The following PLCB4 variants were observed in gnomAD, a reference collection of about 807,000 sequenced individuals.
PLCB4 encodes the protein 1-phosphatidylinositol 4,5-bisphosphate phosphodiesterase beta-4.
PLCB4 carries 77 observed loss-of-function variants against 178.8 expected under a neutral mutation model. The observed-to-expected ratio is 0.43, with a 90% CI of 0.36 to 0.52. PLCB4 has a LOEUF of 0.52. Ranked by LOEUF, PLCB4 falls within the 20% of genes least tolerant of loss-of-function variation. PLCB4 has a pLI of 0.00. For missense variants in PLCB4, 1,024 were observed against 1,453.4 expected (o/e 0.70, Z 4.80); for synonymous variants, 496 against 490.8 (o/e 1.01, Z -0.14).
chr20:9,303,317 A>G (rs927456343), intron 3 of PLCB4, among the ~76,000 whole-genome samples: 4 of 152,184 alleles, frequency 2.6e-5, no homozygotes, highest in African/African-American at 9.7e-5. Context: ...AAGGCTTTGT[A>G]TACTTCGATT....
At chr20:9,375,637 T>C (rs1310012476) in intron 12 of PLCB4, among the ~76,000 whole-genome samples, 2 of 152,164 alleles carry the variant, frequency 1.3e-5, no homozygotes, top group Non-Finnish European at 2.9e-5. Flanking sequence ...CTTGAAAATA[T>C]TTCAAGTTTT....
At chr20:9,282,329 G>A (rs1041495930) in intron 3 of PLCB4, among the ~76,000 whole-genome samples, 3 of 151,964 alleles carry the variant, frequency 2.0e-5, no homozygotes, top group Non-Finnish European at 2.9e-5. Context: ...TCTCTGTCAG[G>A]TTGCTCACAA....
At chr20:9,393,184 G>C (rs2038289506) in intron 17 of PLCB4, among the ~76,000 whole-genome samples, 1 of 152,072 alleles carries the variant, frequency 6.6e-6, no homozygotes. Flanking sequence ...CTGACACTTG[G>C]GGGGATCTGG....
intron 2 of PLCB4, among the ~76,000 whole-genome samples, chr20:9,098,435 T>C (rs1015726568): frequency 2.6e-5 from 4 of 151,954 alleles, no homozygotes; most frequent in Admixed American, 6.6e-5. Flanking sequence ...TATCCAACAT[T>C]AATCTAAAAT....
intron 4 of PLCB4, among the ~76,000 whole-genome samples, chr20:9,319,066 T>G (rs1319528149): frequency 2.0e-5 from 3 of 152,168 alleles, no homozygotes; most frequent in Non-Finnish European, 4.4e-5. Context: ...TCATTCTCTT[T>G]GCACACCTCT....
chr20:9,133,628 C>A, intron 2 of PLCB4, among the ~76,000 whole-genome samples: 1 of 152,104 alleles, frequency 6.6e-6, no homozygotes, highest in Non-Finnish European at 1.5e-5. Flanking sequence ...GAGCTAGCAC[C>A]AGGCTACATG....
At chr20:9,281,572 A>G (rs757706086) in intron 3 of PLCB4, among the ~76,000 whole-genome samples, 1 of 152,018 alleles carries the variant, frequency 6.6e-6, no homozygotes, top group Non-Finnish European at 1.5e-5. Context: ...ATTCTATGCT[A>G]AAATGTTTTA....
chr20:9,478,978 A>G lies in PLCB4; in HGVS notation c.3590A>G (p.Asn1197Ser), dbSNP rs2044737088. 2 of 1,613,640 alleles carry G rather than the reference A, an allele frequency of 1.2e-6. No individual in the cohort carries two copies. The highest frequency in any genetic ancestry group is 1.7e-6 in the Non-Finnish European group (2 of 1,179,638). ...IGSRDGPQTS[N>S]SSMKLQNAN is the part of the protein sequence containing the mutation. ...AGCCGAGATGGACCGCAGACCAGCA[A>G]CAGTAGTATGAAACTCCAAAATGCA... Residue 1197 changes from asparagine (N) to serine (S), a missense_variant, in exon 40 of 40, where the codon AAC (asparagine) becomes AGC (serine). This residue lies in a region of PLCB4 where 264 missense variants were observed against 283.2 expected (regional missense o/e 0.93). Transcript: ENST00000378473.
At chr20:9,188,571 ACAGTGACATTCTGGGTTGGT>A in intron 2 of PLCB4, among the ~76,000 whole-genome samples, 3 of 135,552 alleles carry the variant, frequency 2.2e-5, no homozygotes, top group Admixed American at 7.3e-5. Context: ...GGGCTGTCAT[ACAGTGACATTCTGGGTTGGT>A]TAACTGTTCA....
chr20:9,452,058 G>C (rs2042801403), intron 32 of PLCB4, among the ~76,000 whole-genome samples: 1 of 152,192 alleles, frequency 6.6e-6, no homozygotes, highest in Non-Finnish European at 1.5e-5. Flanking sequence ...AAGTTCCTAT[G>C]TTGGGAATCT....
intron 2 of PLCB4, among the ~76,000 whole-genome samples, chr20:9,149,663 G>A (rs2146919994): frequency 6.6e-6 from 1 of 151,656 alleles, no homozygotes; most frequent in East Asian, 1.9e-4. Flanking sequence ...TCGTAGTCCT[G>A]GCTATGCTAC....
At chr20:9,425,177 G>C (rs2040912596) in intron 28 of PLCB4, among the ~76,000 whole-genome samples, 1 of 152,204 alleles carries the variant, frequency 6.6e-6, no homozygotes, top group African/African-American at 2.4e-5. Context: ...CTGGAGACAA[G>C]TGGTAGGTTT....
In PLCB4 at chr20:9,407,994, A is replaced by G. The variant is rs1455327624; in HGVS notation, c.1725A>G (p.Pro575=). Residue 575 remains proline, a synonymous_variant, in exon 22 of 40, where the codon CCA becomes CCG. Transcript: ENST00000378473. ...TAGGTGCTACCACTAATATCCATCC[A>G]TATTTGTCCACAATGATCAACTACG... is the stretch of plus-strand genomic sequence containing the variant. ...KYVGATTNIH[P]YLSTMINYAQ... The G allele has an allele frequency of 1.9e-6, 3 of 1,613,368 alleles. No homozygotes were observed. Among genetic ancestry groups the G allele is most frequent in the Non-Finnish European group, 2.5e-6 (3 of 1,179,274 alleles).
chr20:9,379,278 G>A (rs932080499), intron 12 of PLCB4, among the ~76,000 whole-genome samples: 3 of 152,102 alleles, frequency 2.0e-5, no homozygotes, highest in African/African-American at 7.2e-5. Context: ...ATGAAGTTAG[G>A]ATGATACCAT....
chr20:9,447,011 C>T (rs973685165), intron 32 of PLCB4, among the ~76,000 whole-genome samples: 1 of 152,194 alleles, frequency 6.6e-6, no homozygotes, highest in African/African-American at 2.4e-5. Context: ...TACTTCATGC[C>T]TGATCTCCAT....
intron 2 of PLCB4, among the ~76,000 whole-genome samples, chr20:9,181,650 CT>C (rs2093248301): frequency 6.6e-6 from 1 of 152,016 alleles, no homozygotes; most frequent in African/African-American, 2.4e-5. Context: ...TGTCTCTGTT[CT>C]TTTATAATGC....
chr20:9,164,146 G>A (rs1319689702), intron 2 of PLCB4, among the ~76,000 whole-genome samples: 1 of 152,116 alleles, frequency 6.6e-6, no homozygotes, highest in Non-Finnish European at 1.5e-5. Flanking sequence ...CCAGACTGTA[G>A]CCATTGATTA....
chr20:9,381,245 C>T (rs1358764435), intron 13 of PLCB4, among the ~76,000 whole-genome samples: 7 of 152,150 alleles, frequency 4.6e-5, no homozygotes, highest in East Asian at 1.9e-4. Flanking sequence ...TCTAACACTT[C>T]GCATTGGCAG....
chr20:9,207,894 A>T (rs2093631625), intron 2 of PLCB4, among the ~76,000 whole-genome samples: 1 of 152,332 alleles, frequency 6.6e-6, no homozygotes, highest in African/African-American at 2.4e-5. Context: ...GGGTAGAGGA[A>T]TACTTGTATT....
Sources: allele counts gnomAD v4.1 joint callset (sites outside exome capture counted in the v4.1 genomes callset), GRCh38; gene constraint gnomAD v4.1.1; regional missense constraint gnomAD v4.1.1; transcripts MANE v1.5; gene names NCBI Gene and HGNC (gene_info 2026-07-23, HGNC 2026-07-21).